Variants in KCNQ3 observed in about 807,000 individuals in gnomAD.
The protein encoded by KCNQ3 is potassium voltage-gated channel subfamily KQT member 3.
A neutral mutation model predicts 92.5 loss-of-function variants in KCNQ3; 30 were observed. The observed-to-expected ratio is 0.32, with a 90% CI of 0.24 to 0.44. KCNQ3 has a LOEUF of 0.44. Ranked by LOEUF, KCNQ3 falls within the 20% of genes least tolerant of loss-of-function variation. KCNQ3 has a pLI of 1.00. For synonymous variants in KCNQ3, 450 were observed against 468.8 expected (o/e 0.96, Z 0.52); for missense variants, 913 against 1,140.3 (o/e 0.80, Z 2.87).
At chr8:132,448,379 T>C (rs1464122) in intron 1 of KCNQ3, among the ~76,000 whole-genome samples, 104,235 of 143,318 alleles carry the variant, frequency 0.73, 36,212 homozygotes, top group East Asian at 0.82. Flanking sequence ...TTAAGATGGG[T>C]TTCTGCTACC....
intron 1 of KCNQ3, among the ~76,000 whole-genome samples, chr8:132,229,160 A>C (rs1465274328): frequency 6.6e-6 from 1 of 151,982 alleles, no homozygotes; most frequent in Non-Finnish European, 1.5e-5. Context: ...AGGCTGAGGC[A>C]GGAGAATCAC....
At chr8:132,401,215 G>T (rs1820323182) in intron 1 of KCNQ3, among the ~76,000 whole-genome samples, 2 of 152,120 alleles carry the variant, frequency 1.3e-5, no homozygotes, top group African/African-American at 4.8e-5. Context: ...CCAGCTGATA[G>T]GCTTTCAAGG....
chr8:132,164,012 G>A (rs1826068582), intron 8 of KCNQ3, among the ~76,000 whole-genome samples: 1 of 152,124 alleles, frequency 6.6e-6, no homozygotes, highest in South Asian at 2.1e-4. Flanking sequence ...TTGCTCAAGG[G>A]CTCACAGTTA....
intron 1 of KCNQ3, among the ~76,000 whole-genome samples, chr8:132,443,578 C>T (rs1821595064): frequency 1.3e-5 from 2 of 151,662 alleles, no homozygotes; most frequent in Admixed American, 1.3e-4. Context: ...ACTCCTACCT[C>T]ACTCCTCCAA....
chr8:132,254,237 C>T (rs1328943256), intron 1 of KCNQ3, among the ~76,000 whole-genome samples: 1 of 152,176 alleles, frequency 6.6e-6, no homozygotes, highest in African/African-American at 2.4e-5. Flanking sequence ...CAGGAAAGTG[C>T]ATGTTCTCCC....
chr8:132,220,734 G>GT (rs1814198554), intron 1 of KCNQ3, among the ~76,000 whole-genome samples: 1 of 151,850 alleles, frequency 6.6e-6, no homozygotes, highest in South Asian at 2.1e-4. Context: ...GAGTGACAGC[G>GT]TAAGATAAAT....
chr8:132,462,953 C>T (rs1034336131), intron 1 of KCNQ3, among the ~76,000 whole-genome samples: 7 of 152,142 alleles, frequency 4.6e-5, no homozygotes, highest in Non-Finnish European at 1.0e-4. Flanking sequence ...CACACACACA[C>T]GTATACATAT....
At chr8:132,148,685 C>G (rs933881005) in intron 9 of KCNQ3, among the ~76,000 whole-genome samples, 1 of 152,202 alleles carries the variant, frequency 6.6e-6, no homozygotes, top group African/African-American at 2.4e-5. Flanking sequence ...TCATCTAATC[C>G]TTTGAGGGCC....
chr8:132,205,708 G>A (rs185095455), intron 1 of KCNQ3, among the ~76,000 whole-genome samples: 2 of 152,318 alleles, frequency 1.3e-5, no homozygotes, highest in African/African-American at 4.8e-5. Flanking sequence ...CACTATGTGA[G>A]ACTATAGTAG....
chr8:132,410,216 G>A (rs1023372850), intron 1 of KCNQ3, among the ~76,000 whole-genome samples: 2 of 152,184 alleles, frequency 1.3e-5, no homozygotes, highest in Non-Finnish European at 2.9e-5. Flanking sequence ...TTAAAGTGAG[G>A]ACTCAAAAAT....
At chr8:132,328,809 T>C (rs1261730214) in intron 1 of KCNQ3, among the ~76,000 whole-genome samples, 1 of 152,174 alleles carries the variant, frequency 6.6e-6, no homozygotes, top group Non-Finnish European at 1.5e-5. Flanking sequence ...CTCTTTCTCA[T>C]TTTTACCTGC....
chr8:132,231,203 T>A (rs1047596728), intron 1 of KCNQ3, among the ~76,000 whole-genome samples: 1 of 152,196 alleles, frequency 6.6e-6, no homozygotes, highest in African/African-American at 2.4e-5. Flanking sequence ...ACCCTGTCAA[T>A]ACCTTGATTT....
intron 1 of KCNQ3, among the ~76,000 whole-genome samples, chr8:132,224,993 T>C (rs1814363505): frequency 6.6e-6 from 1 of 152,186 alleles, no homozygotes. Flanking sequence ...TTCCCTGTGC[T>C]TACAATTGAC....
Position 132,466,409 on chromosome 8 carries a change from C to T in KCNQ3, c.386+13738G>A, listed in dbSNP as rs1587048544. ...CCTTCCCATACCTCCTCAGGACTCACTCCCAGCCCCTGCCAAAAGTAGCCT... is the reference window on the plus strand; with the variant it reads ...CCTTCCCATACCTCCTCAGGACTCATTCCCAGCCCCTGCCAAAAGTAGCCT... On this transcript the variant is annotated intron_variant, in intron 1 of 14. Transcript: ENST00000388996. Among the ~76,000 whole-genome samples, 3 of 152,102 alleles carry T rather than the reference C, an allele frequency of 2.0e-5. No individual in the cohort carries two copies. In the South Asian group the frequency reaches 6.2e-4, roughly 32 times the overall value.
intron 1 of KCNQ3, among the ~76,000 whole-genome samples, chr8:132,432,140 A>G (rs1207116291): frequency 6.6e-6 from 1 of 152,206 alleles, no homozygotes; most frequent in Non-Finnish European, 1.5e-5. Context: ...CAAAACAGAA[A>G]TTCACATCCC....
intron 1 of KCNQ3, among the ~76,000 whole-genome samples, chr8:132,228,742 C>T (rs2130364385): frequency 6.7e-6 from 1 of 150,194 alleles, no homozygotes; most frequent in East Asian, 2.0e-4. Flanking sequence ...CCAGAAGTAG[C>T]CCCTCAGCTG....
intron 1 of KCNQ3, among the ~76,000 whole-genome samples, chr8:132,418,026 C>T (rs1820866918): frequency 6.6e-6 from 1 of 152,122 alleles, no homozygotes; most frequent in African/African-American, 2.4e-5. Context: ...GAGCCACACC[C>T]CCCTCATCTT....
At chr8:132,263,958 C>G (rs933983737) in intron 1 of KCNQ3, among the ~76,000 whole-genome samples, 1 of 152,164 alleles carries the variant, frequency 6.6e-6, no homozygotes, top group Non-Finnish European at 1.5e-5. Context: ...CCTTATGTAA[C>G]CTGAGAGCTT....
chr8:132,145,832 AG>A (rs1825433457), intron 9 of KCNQ3, among the ~76,000 whole-genome samples: 1 of 152,244 alleles, frequency 6.6e-6, no homozygotes, highest in Non-Finnish European at 1.5e-5. Context: ...TCAGTAATCA[AG>A]GATTAAGATG....
Sources: gnomAD v4.1 joint callset for allele counts (sites outside exome capture counted in the v4.1 genomes callset) on GRCh38, gnomAD v4.1.1 for gene constraint, MANE v1.5 for transcripts, NCBI Gene and HGNC (gene_info 2026-07-23, HGNC 2026-07-21) for gene names.